The following TPRG1 variants were observed in gnomAD, a reference collection of about 807,000 sequenced individuals.
TPRG1 encodes the protein tumor protein p63-regulated gene 1 protein.
In TPRG1, 29 loss-of-function variants were observed where a neutral mutation model predicts 29.3. That is an observed-to-expected ratio of 0.99 (90% CI 0.74 to 1.35). TPRG1 has a LOEUF of 1.35. Among genes scored for constraint, TPRG1 ranks in the 40% most tolerant of loss-of-function variants. The pLI, the probability that TPRG1 is intolerant of heterozygous loss-of-function variation, is 0.00. For synonymous variants in TPRG1, 130 were observed against 116.8 expected (o/e 1.11, Z -0.73); for missense variants, 327 against 335.0 (o/e 0.98, Z 0.19).
chr3:189,014,141 A>ATAGTT (rs1255538405), intron 3 of TPRG1, among the ~76,000 whole-genome samples: 1 of 152,104 alleles, frequency 6.6e-6, no homozygotes, highest in Non-Finnish European at 1.5e-5. Flanking sequence ...ATGGCTGCTA[A>ATAGTT]TAGTTTTTCT....
intron 4 of TPRG1, among the ~76,000 whole-genome samples, chr3:189,040,637 G>A (rs1714572705): frequency 6.6e-6 from 1 of 151,972 alleles, no homozygotes; most frequent in African/African-American, 2.4e-5. Flanking sequence ...TGCTACTTCT[G>A]CTCATATCTT....
At chr3:189,145,494 G>A (rs1331484887) in intron 3 of TPRG1, among the ~76,000 whole-genome samples, 2 of 152,148 alleles carry the variant, frequency 1.3e-5, no homozygotes, top group South Asian at 2.1e-4. Flanking sequence ...GCTTGTCTCT[G>A]ACCCCTTGAC....
chr3:189,093,406 A>G (rs1718466023), intron 4 of TPRG1, among the ~76,000 whole-genome samples: 1 of 152,340 alleles, frequency 6.6e-6, no homozygotes, highest in Admixed American at 6.5e-5. Flanking sequence ...CCAGGAGAAC[A>G]GGAGGAATAT....
chr3:189,206,693 G>C (rs765517199), intron 1 of TPRG1, among the ~76,000 whole-genome samples: 11 of 151,786 alleles, frequency 7.2e-5, no homozygotes, highest in Non-Finnish European at 1.6e-4. Context: ...TAGAGACTGG[G>C]TTTCGCCATG....
chr3:189,093,897 T>C (rs1423993949), intron 4 of TPRG1, among the ~76,000 whole-genome samples: 2 of 152,186 alleles, frequency 1.3e-5, no homozygotes, highest in East Asian at 3.9e-4. Context: ...TTAATTAGGG[T>C]TAGATAATAT....
chr3:189,080,439 A>G (rs1717512393), intron 4 of TPRG1, among the ~76,000 whole-genome samples: 1 of 152,200 alleles, frequency 6.6e-6, no homozygotes, highest in African/African-American at 2.4e-5. Flanking sequence ...TAGGAAAAGT[A>G]AAATACTGGC....
chr3:189,137,499 TG>T (rs2108553478), intron 3 of TPRG1, among the ~76,000 whole-genome samples: 1 of 152,234 alleles, frequency 6.6e-6, no homozygotes, highest in South Asian at 2.1e-4. Flanking sequence ...TACAGAGCAG[TG>T]TTTGATGTGA....
chr3:189,058,574 C>T (rs78542911), intron 4 of TPRG1, among the ~76,000 whole-genome samples: 235 of 152,268 alleles, frequency 1.5e-3, no homozygotes, highest in Non-Finnish European at 2.9e-3. Context: ...AAAGTCAAGG[C>T]GCTGTTAGAA....
chr3:189,097,930 A>C (rs1292599787), upstream of TPRG1, among the ~76,000 whole-genome samples: 2 of 152,228 alleles, frequency 1.3e-5, no homozygotes, highest in African/African-American at 2.4e-5. Context: ...TTACGTAGTC[A>C]TCTTTTCTTT....
intron 4 of TPRG1, among the ~76,000 whole-genome samples, chr3:189,033,599 T>TG (rs1714069843): frequency 6.6e-6 from 1 of 151,740 alleles, no homozygotes; most frequent in South Asian, 2.1e-4. Flanking sequence ...TTTTTTTTTT[T>TG]GAGATGGAGT....
At chr3:189,139,610 C>A (rs1319347462) in intron 3 of TPRG1, among the ~76,000 whole-genome samples, 1 of 151,740 alleles carries the variant, frequency 6.6e-6, no homozygotes, top group East Asian at 1.9e-4. Context: ...ACAAATATAG[C>A]AGCGTTTTCT....
chr3:189,218,382 C>T (rs1736415678), intron 3 of TPRG1, among the ~76,000 whole-genome samples: 1 of 152,128 alleles, frequency 6.6e-6, no homozygotes, highest in Admixed American at 6.5e-5. Flanking sequence ...TCCCAAAGTG[C>T]TAGGATTACA....
chr3:189,200,622 G>A (rs912857692), intron 1 of TPRG1, among the ~76,000 whole-genome samples: 10 of 152,270 alleles, frequency 6.6e-5, no homozygotes, highest in Admixed American at 2.0e-4. Context: ...CAGAGTCATC[G>A]TTCTTGTTAA....
intron 5 of TPRG1, among the ~76,000 whole-genome samples, chr3:189,158,490 T>A (rs1726997178): frequency 6.6e-6 from 1 of 151,904 alleles, no homozygotes; most frequent in African/African-American, 2.4e-5. Flanking sequence ...GCGGCTGTAA[T>A]CCCAGCTACC....
At chr3:189,245,816 C>G (rs557727084) in intron 4 of TPRG1, among the ~76,000 whole-genome samples, 43 of 152,078 alleles carry the variant, frequency 2.8e-4, no homozygotes, top group Non-Finnish European at 4.4e-5. Context: ...ATTTTGTTAA[C>G]TTTTGCCTCA....
chr3:189,262,235 TATAA>T (rs1194423127), intron 4 of TPRG1, among the ~76,000 whole-genome samples: 1 of 151,390 alleles, frequency 6.6e-6, no homozygotes, highest in East Asian at 1.9e-4. Context: ...TAAGTATAAG[TATAA>T]GTATAAGTAT....
intron 3 of TPRG1, among the ~76,000 whole-genome samples, chr3:189,142,160 C>T (rs1040450598): frequency 2.6e-5 from 4 of 152,124 alleles, no homozygotes; most frequent in Non-Finnish European, 5.9e-5. Flanking sequence ...ACGGGCAGCA[C>T]GTACAGAGGA....
intron 4 of TPRG1, among the ~76,000 whole-genome samples, chr3:189,279,491 T>C (rs1481405824): frequency 6.6e-6 from 1 of 152,236 alleles, no homozygotes; most frequent in Non-Finnish European, 1.5e-5. Flanking sequence ...AGCTCTATAA[T>C]TATCTATTTG....
At position 189,238,859 on chromosome 3, in the gene TPRG1, C is replaced by T; in HGVS notation, c.429C>T (p.Val143=). The T allele has an allele frequency of 6.2e-7, 1 of 1,613,644 alleles. No individual in the cohort carries two copies. The highest frequency in any genetic ancestry group is 8.5e-7 in the Non-Finnish European group (1 of 1,179,680). Residue 143 remains valine, a synonymous_variant, in exon 4 of 6, where the codon GTC becomes GTT. Coordinates refer to ENST00000345063, the MANE Select transcript of TPRG1 (RefSeq NM_198485.4). The part of the protein sequence containing the change: ...VQLQRIPLSA[V]YRICLGKFTF... ...TGCAGCGGATTCCTCTGAGCGCTGTCTATCGCATCTGCCTGGGCAAGTTCA... is the reference window on the plus strand; with the variant it reads ...TGCAGCGGATTCCTCTGAGCGCTGTTTATCGCATCTGCCTGGGCAAGTTCA...
Sources: allele counts gnomAD v4.1 joint callset (sites outside exome capture counted in the v4.1 genomes callset), GRCh38; gene constraint gnomAD v4.1.1; transcripts MANE v1.5; gene names NCBI Gene and HGNC (gene_info 2026-07-23, HGNC 2026-07-21).